CNTN5: variants seen among roughly 807,000 people sequenced by gnomAD.
The protein encoded by CNTN5 is contactin 5.
CNTN5 carries 77 observed loss-of-function variants against 129.1 expected under a neutral mutation model. That is an observed-to-expected ratio of 0.60 (90% CI 0.50 to 0.72). The LOEUF is 0.72. CNTN5 is among the 30% of genes least tolerant of loss of function. The pLI, the probability that CNTN5 is intolerant of heterozygous loss-of-function variation, is 0.00. For synonymous variants in CNTN5, 509 were observed against 465.6 expected (o/e 1.09, Z -1.20); for missense variants, 1,478 against 1,328.8 (o/e 1.11, Z -1.75).
chr11:99,294,324 A>T (rs776816295), intron 1 of CNTN5, among the ~76,000 whole-genome samples: 1 of 152,204 alleles, frequency 6.6e-6, no homozygotes, highest in Non-Finnish European at 1.5e-5. Context: ...GTGAAGGTGC[A>T]GTATACTAAC....
intron 2 of CNTN5, among the ~76,000 whole-genome samples, chr11:99,538,715 G>A (rs142309560): frequency 5.9e-5 from 9 of 152,150 alleles, no homozygotes; most frequent in African/African-American, 2.2e-4. Context: ...ACTGCTCTAG[G>A]TATCTGCTGC....
intron 3 of CNTN5, among the ~76,000 whole-genome samples, chr11:99,677,586 TCTCA>T (rs1953347028): frequency 6.6e-6 from 1 of 152,144 alleles, no homozygotes; most frequent in Non-Finnish European, 1.5e-5. Context: ...GTTTTTGTCT[TCTCA>T]CTCTGAAGCT....
Position 99,806,868 on chromosome 11 carries a change from A to G in CNTN5, c.56-12676A>G, listed in dbSNP as rs994685905. Among the ~76,000 whole-genome samples the G allele has an allele frequency of 6.7e-4, 60 of 90,196 alleles. 1 individual carries two copies. The highest frequency in any genetic ancestry group is 5.1e-3 in the Admixed American group (37 of 7,278). The allele number at this position is 90,196 out of a possible 152,430, so 59.2% of individuals were successfully genotyped here. A position where few individuals can be genotyped will look rare whatever the true frequency, so the allele number is the denominator to read the frequency against. ...GATACATAAATACATAAATAAATCA[A>G]TCATAAAATGATCAATTAGTTCTTG... On this transcript the variant is annotated intron_variant, in intron 3 of 24. Transcript: ENST00000524871.
intron 3 of CNTN5, among the ~76,000 whole-genome samples, chr11:99,609,626 G>C (rs1399324017): frequency 6.6e-6 from 1 of 152,074 alleles, no homozygotes; most frequent in African/African-American, 2.4e-5. Flanking sequence ...GATGAAGCAG[G>C]TTCATCAGGA....
Position 100,001,098 on chromosome 11 carries a change from TCC to T in CNTN5, c.878-935_878-934del, listed in dbSNP as rs1939843233. On this transcript the variant is annotated intron_variant, in intron 8 of 24. Coordinates refer to ENST00000524871, the MANE Select transcript of CNTN5 (RefSeq NM_014361.4). ...ATTGTCTTCACTATTAACACTCAGC[TCC>T]TCGTTACTTATGCAAATTTCTGCAG... is the stretch of plus-strand genomic sequence containing the variant. Among the ~76,000 whole-genome samples the T allele has an allele frequency of 2.0e-5, 3 of 152,288 alleles. No homozygotes were observed. In the South Asian group the frequency reaches 6.2e-4, roughly 32 times the overall value.
At chr11:100,187,269 G>C (rs1465828434) in intron 13 of CNTN5, among the ~76,000 whole-genome samples, 2 of 152,044 alleles carry the variant, frequency 1.3e-5, no homozygotes, top group Non-Finnish European at 2.9e-5. Flanking sequence ...TTGTTTATCA[G>C]TTCCAGGAGT....
chr11:99,227,790 A>G (rs1270109538), intron 1 of CNTN5, among the ~76,000 whole-genome samples: 3 of 152,188 alleles, frequency 2.0e-5, no homozygotes, highest in East Asian at 1.9e-4. Flanking sequence ...AGCAAGAGGA[A>G]CAATATATAA....
At chr11:99,434,606 C>T (rs573332070) in intron 2 of CNTN5, among the ~76,000 whole-genome samples, 7 of 152,224 alleles carry the variant, frequency 4.6e-5, no homozygotes, top group Admixed American at 2.0e-4. Flanking sequence ...TTTATTCCAA[C>T]GTAGGACACA....
At chr11:99,870,973 A>G (rs1948490197) in intron 6 of CNTN5, among the ~76,000 whole-genome samples, 1 of 152,108 alleles carries the variant, frequency 6.6e-6, no homozygotes, top group Admixed American at 6.6e-5. Flanking sequence ...GCGTGACCTA[A>G]CTATAGTTAG....
At chr11:99,047,962 A>T (rs1412359605) in intron 1 of CNTN5, among the ~76,000 whole-genome samples, 1 of 152,074 alleles carries the variant, frequency 6.6e-6, no homozygotes, top group East Asian at 1.9e-4. Flanking sequence ...CAAAATGTGT[A>T]TGGAAAGTTA....
chr11:99,041,108 A>G (rs370749979), intron 1 of CNTN5, among the ~76,000 whole-genome samples: 1 of 152,060 alleles, frequency 6.6e-6, no homozygotes, highest in African/African-American at 2.4e-5. Flanking sequence ...CTGGCCTTTA[A>G]TTTTCAGTAC....
chr11:99,233,901 G>T (rs376177438), intron 1 of CNTN5, among the ~76,000 whole-genome samples: 9 of 152,088 alleles, frequency 5.9e-5, no homozygotes, highest in Non-Finnish European at 1.2e-4. Context: ...AGCGGAGATC[G>T]CACCACTGCA....
intron 21 of CNTN5, 31 bp from the exon 22 acceptor site, chr11:100,340,432 A>G (rs1245091589): frequency 6.4e-7 from 1 of 1,552,840 alleles, no homozygotes; most frequent in Non-Finnish European, 8.8e-7. Context: ...AAGCTTTAAA[A>G]TTAACCTGCC....
intron 16 of CNTN5, among the ~76,000 whole-genome samples, chr11:100,248,461 G>A (rs1468136316): frequency 2.0e-5 from 3 of 152,024 alleles, no homozygotes; most frequent in East Asian, 3.9e-4. Flanking sequence ...CAGGAGGATC[G>A]CTTGAGTCCA....
intron 4 of CNTN5, among the ~76,000 whole-genome samples, chr11:99,824,464 A>G (rs1003580635): frequency 2.6e-4 from 40 of 151,964 alleles, no homozygotes; most frequent in Non-Finnish European, 3.2e-4. Context: ...TTTTACTTAC[A>G]TTTAACTGTA....
intron 3 of CNTN5, among the ~76,000 whole-genome samples, chr11:99,672,763 C>T (rs548607141): frequency 4.6e-5 from 7 of 151,828 alleles, no homozygotes; most frequent in Middle Eastern, 3.4e-3. Context: ...ATTCTAGCTG[C>T]TGCTTTTAGA....
intron 2 of CNTN5, among the ~76,000 whole-genome samples, chr11:99,326,977 A>G (rs1013556350): frequency 1.3e-5 from 2 of 152,182 alleles, no homozygotes; most frequent in East Asian, 1.9e-4. Context: ...AAACGTAAAC[A>G]TCTTGGAAGC....
At chr11:99,848,155 A>C (rs1158708269) in intron 6 of CNTN5, among the ~76,000 whole-genome samples, 1 of 151,940 alleles carries the variant, frequency 6.6e-6, no homozygotes, top group South Asian at 2.1e-4. Context: ...GCTTGCAGTG[A>C]GCCGAGATCA....
chr11:100,043,375 C>T (rs915388787), intron 9 of CNTN5, among the ~76,000 whole-genome samples: 1 of 152,110 alleles, frequency 6.6e-6, no homozygotes, highest in Admixed American at 6.5e-5. Context: ...TTTATAGCCA[C>T]TCTATCAATT....
Sources: gnomAD v4.1 joint callset for allele counts (sites outside exome capture counted in the v4.1 genomes callset) on GRCh38, gnomAD v4.1.1 for gene constraint, MANE v1.5 for transcripts, NCBI Gene and HGNC (gene_info 2026-07-23, HGNC 2026-07-21) for gene names.